CCDC134: variants seen among roughly 807,000 people sequenced by gnomAD.
The protein encoded by CCDC134 is coiled-coil domain-containing protein 134.
Under a neutral mutation model 25.6 loss-of-function variants are expected in CCDC134, and 27 were observed. That is an observed-to-expected ratio of 1.05 (90% CI 0.78 to 1.45). CCDC134 has a LOEUF of 1.45. Ranked by LOEUF, CCDC134 falls within the 40% of genes most tolerant of loss-of-function variation. CCDC134 has a pLI of 0.00. For synonymous variants in CCDC134, 110 were observed against 115.0 expected, an observed-to-expected ratio of 0.96 and a Z score of 0.28; for missense variants, 261 against 286.7, an observed-to-expected ratio of 0.91 and a Z score of 0.65.
chr22:41,806,281 C>T (rs1427269061), intron 1 of CCDC134, among the ~76,000 whole-genome samples: 8 of 141,400 alleles, frequency 5.7e-5, no homozygotes, highest in African/African-American at 1.6e-4. Context: ...TGCAGTGGTG[C>T]GATCTCGGCT....
rs747017405 is a variant in CCDC134, at chr22:41,813,331, G to A, written c.378G>A (p.Val126=). The part of the protein sequence containing the change: ...GDVVLRFPRI[V]HYYFDHNSNW... ...TGGTGCTGCGCTTCCCGAGGATTGT[G>A]CACTATTACTTTGACCACAACTCCA... Residue 126 remains valine (V), a synonymous_variant, in exon 5 of 7, where the codon GTG becomes GTA. Transcript: ENST00000255784. The A allele has an allele frequency of 4.1e-5, 66 of 1,614,074 alleles. No individual in the cohort carries two copies. Among genetic ancestry groups the A allele is most frequent in the East Asian group, 1.1e-4 (5 of 44,894 alleles).
At chr22:41,816,006 G>C (rs1160473239) in intron 6 of CCDC134, among the ~76,000 whole-genome samples, 1 of 152,124 alleles carries the variant, frequency 6.6e-6, no homozygotes, top group African/African-American at 2.4e-5. Flanking sequence ...AGGTCCTGGA[G>C]GACCAGTAAG....
chr22:41,828,591 C>T lies in CCDC134; in HGVS notation c.*2768C>T, dbSNP rs954242359. Among the ~76,000 whole-genome samples, 2 of 152,190 alleles carry T rather than the reference C, an allele frequency of 1.3e-5. No individual in the cohort carries two copies. The highest frequency in any genetic ancestry group is 4.8e-5 in the African/African-American group (2 of 41,430). On this transcript the variant is annotated 3_prime_UTR_variant, in exon 7 of 7. Transcript: ENST00000255784. ...CTCCACTCGCTCCCTCTCTCCCTCC[C>T]TTTACTGCCACTATTGATTGTTATA...
At chr22:41,807,418 C>T (rs936586094) in intron 1 of CCDC134, among the ~76,000 whole-genome samples, 9 of 151,770 alleles carry the variant, frequency 5.9e-5, no homozygotes, top group African/African-American at 1.7e-4. Flanking sequence ...AAAAAATAGC[C>T]GTGCATGGCG....
intron 1 of CCDC134, among the ~76,000 whole-genome samples, chr22:41,802,195 G>C (rs1224696737): frequency 6.6e-6 from 1 of 150,868 alleles, no homozygotes; most frequent in East Asian, 2.0e-4. Context: ...GGAGAATCAT[G>C]CTTTAAATTT....
chr22:41,813,580 C>A, intron 5 of CCDC134, 135 bp downstream of exon 5: 3 of 1,219,916 alleles, frequency 2.5e-6, no homozygotes, highest in Non-Finnish European at 3.5e-6. Flanking sequence ...GTATCTTGGG[C>A]CACAGAGGCC....
Position 41,825,971 on chromosome 22 carries a change from C to A in CCDC134, c.*148C>A. 8.8e-7 allele frequency: 1 copy of A among 1,132,182 alleles called. No individual in the cohort carries two copies. Among genetic ancestry groups the A allele is most frequent in the Non-Finnish European group, 1.3e-6 (1 of 791,636 alleles). 70.1% of individuals were successfully genotyped at this position (1,132,182 alleles called of 1,614,324 possible). On this transcript the variant is annotated 3_prime_UTR_variant, in exon 7 of 7. Transcript: ENST00000255784. This position sits in a 1 kb window ranked among gnomAD's most constrained non-coding sequence, Gnocchi z 4.4. ...CCGGCCCCCTGGAGCTGGGTCTGAG[C>A]CCCAGCTGAAGGGACTGAGCCTCAG... is the stretch of plus-strand genomic sequence containing the variant.
At chr22:41,808,349 G>A (rs1483584418) in intron 1 of CCDC134, among the ~76,000 whole-genome samples, 1 of 151,890 alleles carries the variant, frequency 6.6e-6, no homozygotes. Flanking sequence ...CAAGGAAGGA[G>A]GAAAACTCCA....
intron 6 of CCDC134, among the ~76,000 whole-genome samples, chr22:41,817,269 T>C (rs1306940360): frequency 6.6e-6 from 1 of 152,144 alleles, no homozygotes; most frequent in Non-Finnish European, 1.5e-5. Context: ...TAGAATGATA[T>C]GTTTAGGTGG....
Position 41,827,861 on chromosome 22 carries a change from G to A in CCDC134, c.*2038G>A, listed in dbSNP as rs1226586884. On this transcript the variant is annotated 3_prime_UTR_variant, in exon 7 of 7. Coordinates refer to ENST00000255784, the MANE Select transcript of CCDC134 (RefSeq NM_024821.5). Reference sequence around the variant, plus strand: ...ACCAGCCCGCAAGCTCTTCCCTGCCGGAAGGACCAGGCCAGTCGCTGTCCT... The same window carrying A: ...ACCAGCCCGCAAGCTCTTCCCTGCCAGAAGGACCAGGCCAGTCGCTGTCCT... Among the ~76,000 whole-genome samples the A allele has an allele frequency of 2.6e-5, 4 of 152,190 alleles. No individual in the cohort carries two copies. The highest frequency in any genetic ancestry group is 4.1e-4 in the South Asian group (2 of 4,834).
At chr22:41,818,752 G>C (rs2076634471) in intron 6 of CCDC134, among the ~76,000 whole-genome samples, 1 of 152,216 alleles carries the variant, frequency 6.6e-6, no homozygotes, top group Non-Finnish European at 1.5e-5. Context: ...TCATTACCCT[G>C]ATAAATGGCC....
At chr22:41,803,226 G>T (rs2076552651) in intron 1 of CCDC134, among the ~76,000 whole-genome samples, 1 of 152,198 alleles carries the variant, frequency 6.6e-6, no homozygotes, top group African/African-American at 2.4e-5. Flanking sequence ...TTGTACCGCT[G>T]CACTCCAGCG....
chr22:41,811,427 ATTCTT>A (rs1404348317), intron 4 of CCDC134, among the ~76,000 whole-genome samples: 1 of 152,004 alleles, frequency 6.6e-6, no homozygotes, highest in Non-Finnish European at 1.5e-5. Context: ...TACAGAAACT[ATTCTT>A]TTCTTTTTTT....
rs1031334930 is a variant in CCDC134 at position 41,827,728 on chromosome 22, G to A, written c.*1905G>A. Among the ~76,000 whole-genome samples, 6 of 152,232 alleles carry A rather than the reference G, an allele frequency of 3.9e-5. No homozygotes were observed. The highest frequency in any genetic ancestry group is 1.4e-4 in the African/African-American group (6 of 41,458). On this transcript the variant is annotated 3_prime_UTR_variant, in exon 7 of 7. Coordinates refer to ENST00000255784, the MANE Select transcript of CCDC134 (RefSeq NM_024821.5). ...TAGCTGAAGCGTGAATTGGCCTTAT[G>A]TTCCCTGCCTCCAGACCCTATTTTC...
intron 6 of CCDC134, among the ~76,000 whole-genome samples, chr22:41,814,883 A>C (rs554252927): frequency 1.3e-5 from 2 of 152,314 alleles, no homozygotes; most frequent in South Asian, 2.1e-4. Context: ...GGTGACACAG[A>C]GGGGCCAGGT....
rs548700502 is a variant in CCDC134, at chr22:41,810,051, C to T, written c.225+51C>T. 3 of 1,609,622 alleles carry T rather than the reference C, an allele frequency of 1.9e-6. No homozygotes were observed. Among genetic ancestry groups the T allele is most frequent in the East Asian group, 4.5e-5 (2 of 44,804 alleles). On this transcript the variant is annotated intron_variant, in intron 3 of 6. Coordinates refer to ENST00000255784, the MANE Select transcript of CCDC134 (RefSeq NM_024821.5). ...TGGCAGGTCCAGTCTTTGATCTAGG[C>T]ACTGATGGGTAAACAGGAGTTCCCT...
At chr22:41,816,898 CTGAG>C (rs2076625271) in intron 6 of CCDC134, among the ~76,000 whole-genome samples, 1 of 152,112 alleles carries the variant, frequency 6.6e-6, no homozygotes, top group Non-Finnish European at 1.5e-5. Flanking sequence ...AGCCTGGCGA[CTGAG>C]TGAGACTGTC....
intron 6 of CCDC134, among the ~76,000 whole-genome samples, chr22:41,821,505 T>G (rs756290276): frequency 2.0e-4 from 27 of 135,948 alleles, no homozygotes; most frequent in Non-Finnish European, 3.3e-4. Context: ...GATGTTCCCC[T>G]TCCTGTGTCC....
chr22:41,819,963 TTATATATATATATATATATATATATA>T (rs34213936), intron 6 of CCDC134, among the ~76,000 whole-genome samples: 1 of 82,628 alleles, frequency 1.2e-5, no homozygotes, highest in Non-Finnish European at 2.1e-5. Flanking sequence ...ACTTACCACT[TTATATATATATATATATATATATATA>T]TATATATATA....
Sources: allele counts gnomAD v4.1 joint callset (sites outside exome capture counted in the v4.1 genomes callset), GRCh38; gene constraint gnomAD v4.1.1; non-coding constraint Gnocchi (gnomAD v3.1); transcripts MANE v1.5; gene names NCBI Gene and HGNC (gene_info 2026-07-23, HGNC 2026-07-21).